Variants in NADSYN1 observed in about 807,000 individuals in gnomAD.
NADSYN1 encodes the protein NAD synthetase 1.
Under a neutral mutation model 99.3 loss-of-function variants are expected in NADSYN1, and 80 were observed. The observed-to-expected ratio is 0.81, with a 90% CI of 0.67 to 0.97. NADSYN1 has a LOEUF of 0.97. NADSYN1 is among the 50% of genes least tolerant of loss of function. The pLI is 0.00. For synonymous variants in NADSYN1, 385 were observed against 372.1 expected, an observed-to-expected ratio of 1.03 and a Z score of -0.40; for missense variants, 859 against 948.5, an observed-to-expected ratio of 0.91 and a Z score of 1.24.
intron 5 of NADSYN1, among the ~76,000 whole-genome samples, chr11:71,470,033 AG>A (rs1258557879): frequency 2.0e-5 from 3 of 152,066 alleles, no homozygotes; most frequent in Admixed American, 6.6e-5. Flanking sequence ...ATAAACTCAC[AG>A]TTCCATGTGG....
In NADSYN1 at chr11:71,498,492, A is replaced by G. The variant is rs142332435; in HGVS notation, c.2034A>G (p.Thr678=). ...ATCTGCGACCATTTCTGTACAACAC[A>G]AGCTGGCCTTGGCAGTTTCGGTGCA... ...RFDLRPFLYN[T]SWPWQFRCIE... Residue 678 remains threonine, a synonymous_variant, in exon 20 of 21, where the codon ACA becomes ACG. Coordinates refer to ENST00000319023, the MANE Select transcript of NADSYN1 (RefSeq NM_018161.5). The G allele has an allele frequency of 4.7e-5, 76 of 1,614,082 alleles. No individual in the cohort carries two copies. The highest frequency in any genetic ancestry group is 5.3e-5 in the Non-Finnish European group (62 of 1,180,028).
At chr11:71,455,998 CT>C (rs1337594377) in intron 2 of NADSYN1, among the ~76,000 whole-genome samples, 2 of 152,158 alleles carry the variant, frequency 1.3e-5, no homozygotes, top group Non-Finnish European at 2.9e-5. Context: ...AGCGATAGTC[CT>C]TTCTCATTTT....
intron 5 of NADSYN1, among the ~76,000 whole-genome samples, chr11:71,466,089 G>A (rs559907348): frequency 7.2e-5 from 11 of 152,090 alleles, no homozygotes. Flanking sequence ...TCATGTTTCT[G>A]CATTTGATTT....
chr11:71,478,559 G>A, intron 10 of NADSYN1, 90 bp downstream of exon 10: 2 of 1,189,586 alleles, frequency 1.7e-6, no homozygotes, highest in South Asian at 1.3e-5. Context: ...GGCCGTGAGG[G>A]TGCAGTGCCT....
intron 9 of NADSYN1, 108 bp from the exon 10 acceptor site, chr11:71,478,287 C>T: frequency 1.1e-6 from 1 of 904,070 alleles, no homozygotes; most frequent in Non-Finnish European, 1.8e-6. Flanking sequence ...TCCAGGGTCT[C>T]AGCCCCTGCT....
In NADSYN1 at chr11:71,491,015, G is replaced by C. The variant is rs770710170; in HGVS notation, c.1694+39G>C. ...CGGGCTGTGGCTCCACAGCCACGGG[G>C]CTCCTCTCCCAGCACGGCCCCGGCC... On this transcript the variant is annotated intron_variant, in intron 17 of 20. Coordinates refer to ENST00000319023, the MANE Select transcript of NADSYN1 (RefSeq NM_018161.5). 5 of 1,612,050 alleles carry C rather than the reference G, an allele frequency of 3.1e-6. No homozygotes were observed. In the African/African-American group the frequency reaches 6.7e-5, roughly 22 times the overall value.
intron 14 of NADSYN1, among the ~76,000 whole-genome samples, chr11:71,483,837 C>T (rs995067558): frequency 1.3e-5 from 2 of 152,200 alleles, no homozygotes; most frequent in African/African-American, 4.8e-5. Flanking sequence ...TCCATTCACA[C>T]GGTGGAATAT....
chr11:71,462,366 ACT>A (rs940519022), intron 3 of NADSYN1, among the ~76,000 whole-genome samples: 10 of 152,096 alleles, frequency 6.6e-5, no homozygotes, highest in African/African-American at 2.4e-4. Flanking sequence ...ATTGATAATA[ACT>A]CTTTCAACCA....
intron 5 of NADSYN1, among the ~76,000 whole-genome samples, chr11:71,469,171 C>T (rs534852088): frequency 8.5e-5 from 13 of 152,242 alleles, no homozygotes; most frequent in South Asian, 2.1e-4. Context: ...GAAGACCAAA[C>T]GAAAGGCCAG....
intron 18 of NADSYN1, 81 bp downstream of exon 18, chr11:71,491,984 C>A: frequency 7.4e-7 from 1 of 1,351,352 alleles, no homozygotes; most frequent in Non-Finnish European, 1.0e-6. Context: ...TCCTACCTCC[C>A]TCCTGACCCC....
At chr11:71,467,308 CAG>C (rs1473499391) in intron 5 of NADSYN1, among the ~76,000 whole-genome samples, 1 of 152,214 alleles carries the variant, frequency 6.6e-6, no homozygotes, top group Non-Finnish European at 1.5e-5. Flanking sequence ...CACAGGCAAA[CAG>C]ACGTCTCTCT....
intron 18 of NADSYN1, among the ~76,000 whole-genome samples, chr11:71,495,277 A>T (rs1949811644): frequency 1.3e-5 from 2 of 152,248 alleles, no homozygotes; most frequent in African/African-American, 4.8e-5. Context: ...TTCCTCCTTG[A>T]TCCATTGATT....
At position 71,470,938 on chromosome 11, in the gene NADSYN1, TC is replaced by T. The variant is rs376169847; in HGVS notation, c.408-1510del. On this transcript the variant is annotated intron_variant, in intron 5 of 20. Coordinates refer to ENST00000319023, the MANE Select transcript of NADSYN1 (RefSeq NM_018161.5). ...GTTTCATTCCCCTGAATTTGTCTTC[TC>T]TGCAGTGCTCTTCACAGGGCTCTAT... is the stretch of plus-strand genomic sequence containing the variant. 9.2e-5 allele frequency among the ~76,000 whole-genome samples: 14 copies of T among 152,380 alleles called. No homozygotes were observed. In the East Asian group the frequency reaches 2.7e-3, roughly 29 times the overall value.
intron 1 of NADSYN1, 133 bp from the exon 2 acceptor site, chr11:71,454,977 G>A: frequency 1.5e-6 from 1 of 670,852 alleles, no homozygotes; most frequent in Non-Finnish European, 2.6e-6. Flanking sequence ...ATCCCGTCTG[G>A]GAAGGCACAG....
Position 71,495,891 on chromosome 11 carries a change from C to G in NADSYN1, c.1765-1592C>G, listed in dbSNP as rs948687595. On this transcript the variant is annotated intron_variant, in intron 18 of 20. Coordinates refer to ENST00000319023, the MANE Select transcript of NADSYN1 (RefSeq NM_018161.5). ...GGAATGAGAGGGAATGGGAGCAGAT[C>G]TTGAACAATGGAAAGGGCCTGGGTT... Among the ~76,000 whole-genome samples, 20 of 152,316 alleles carry G rather than the reference C, an allele frequency of 1.3e-4. 1 individual carries two copies. In the South Asian group the frequency reaches 4.1e-3, roughly 32 times the overall value.
intron 5 of NADSYN1, chr11:71,464,426 T>G: frequency 3.2e-6 from 1 of 309,574 alleles, no homozygotes; most frequent in Non-Finnish European, 6.1e-6. Context: ...CTCTAGAGGC[T>G]TCCCATCGGT....
At chr11:71,481,483 A>ATTTT in intron 12 of NADSYN1, 79 bp downstream of exon 12, 1 of 1,078,008 alleles carries the variant, frequency 9.3e-7, no homozygotes, top group South Asian at 1.5e-5. Flanking sequence ...CAGGGTAGGG[A>ATTTT]TTTTTTTTTT....
intron 5 of NADSYN1, among the ~76,000 whole-genome samples, chr11:71,469,803 C>T (rs1485958254): frequency 7.9e-5 from 12 of 151,966 alleles, no homozygotes. Context: ...GGGCCTGTTC[C>T]CAACACCAGC....
At chr11:71,491,244 G>A (rs904720982) in intron 17 of NADSYN1, among the ~76,000 whole-genome samples, 12 of 152,262 alleles carry the variant, frequency 7.9e-5, no homozygotes, top group African/African-American at 2.7e-4. Context: ...TCCCCATGCC[G>A]ATGCTTGGCA....
Sources: gnomAD v4.1 joint callset for allele counts (sites outside exome capture counted in the v4.1 genomes callset) on GRCh38, gnomAD v4.1.1 for gene constraint, MANE v1.5 for transcripts, NCBI Gene and HGNC (gene_info 2026-07-23, HGNC 2026-07-21) for gene names.